MTCL2: variants seen among roughly 807,000 people sequenced by gnomAD.
MTCL2 encodes the protein microtubule cross-linking factor 2.
At chr20:36,840,266 G>A in the MTCL2 span, among the ~76,000 whole-genome samples, 138 of 150,594 alleles carry the variant, frequency 9.2e-4, no homozygotes, top group South Asian at 7.5e-3. Flanking sequence ...CTGGGTTCAC[G>A]CCATTCTCCC....
At chr20:36,854,633 G>A in the MTCL2 span, among the ~76,000 whole-genome samples, 1 of 152,130 alleles carries the variant, frequency 6.6e-6, no homozygotes, top group East Asian at 1.9e-4. Context: ...AAGGAGAGGC[G>A]GGGAGGGGAG....
the MTCL2 span, among the ~76,000 whole-genome samples, chr20:36,814,678 G>C: frequency 6.6e-6 from 1 of 152,170 alleles, no homozygotes; most frequent in Non-Finnish European, 1.5e-5. Flanking sequence ...CTTGAAGTCA[G>C]GAGTTCGAGA....
the MTCL2 span, among the ~76,000 whole-genome samples, chr20:36,805,137 G>T: frequency 6.6e-6 from 1 of 152,178 alleles, no homozygotes; most frequent in African/African-American, 2.4e-5. Flanking sequence ...TGCAGTTACA[G>T]TAATAATTAT....
the MTCL2 span, among the ~76,000 whole-genome samples, chr20:36,837,726 A>G: frequency 2.0e-5 from 3 of 151,622 alleles, no homozygotes; most frequent in Admixed American, 6.6e-5. Context: ...ACAGGCGGGA[A>G]CCACCACACT....
the MTCL2 span, among the ~76,000 whole-genome samples, chr20:36,846,521 T>C: frequency 6.6e-6 from 1 of 152,260 alleles, no homozygotes; most frequent in African/African-American, 2.4e-5. Context: ...TTTTTTGCTC[T>C]GATTACAGTT....
chr20:36,803,195 GA>G, the MTCL2 span: 334 of 1,476,942 alleles, frequency 2.3e-4, 3 homozygotes, highest in East Asian at 7.6e-3. Flanking sequence ...TGCCAGCGGG[GA>G]AAAGGGGAGA....
chr20:36,814,633 T>G, the MTCL2 span, among the ~76,000 whole-genome samples: 1 of 152,140 alleles, frequency 6.6e-6, no homozygotes, highest in African/African-American at 2.4e-5. Context: ...ACACCTGTAA[T>G]CCCAGAACTT....
chr20:36,858,308 GAA>G, the MTCL2 span, among the ~76,000 whole-genome samples: 1 of 91,496 alleles, frequency 1.1e-5, no homozygotes, highest in Non-Finnish European at 2.2e-5. Context: ...ACCAAGGAGG[GAA>G]AACACACACA....
the MTCL2 span, among the ~76,000 whole-genome samples, chr20:36,814,186 G>A: frequency 1.3e-5 from 2 of 152,272 alleles, no homozygotes; most frequent in South Asian, 4.1e-4. Context: ...AGGACCATGA[G>A]AGGGGGAATC....
chr20:36,838,519 G>A, the MTCL2 span, among the ~76,000 whole-genome samples: 1 of 151,938 alleles, frequency 6.6e-6, no homozygotes, highest in African/African-American at 2.4e-5. Context: ...CCCAGGAGGT[G>A]GAGGCTACAG....
At chr20:36,803,040 C>T in the MTCL2 span, 11 of 1,605,738 alleles carry the variant, frequency 6.9e-6, no homozygotes, top group African/African-American at 8.0e-5. Context: ...CTCACGCTCC[C>T]GCTGTAGGGC....
At chr20:36,794,086 C>T in the MTCL2 span, 1 of 1,551,498 alleles carries the variant, frequency 6.4e-7, no homozygotes, top group East Asian at 2.4e-5. This position sits in a 1 kb window ranked among gnomAD's most constrained non-coding sequence, Gnocchi z 5.4. Context: ...CAAAGTCATG[C>T]AGGGCCGCTG....
the MTCL2 span, chr20:36,803,016 A>AGGT: frequency 1.5e-3 from 2,452 of 1,601,470 alleles, 51 homozygotes; most frequent in South Asian, 0.026. Context: ...CTCAGCTAGG[A>AGGT]GGTGCTGCTG....
chr20:36,835,295 G>A, the MTCL2 span, among the ~76,000 whole-genome samples: 1 of 152,106 alleles, frequency 6.6e-6, no homozygotes, highest in African/African-American at 2.4e-5. Flanking sequence ...AGCAGAGAGG[G>A]AGAGCTGGGG....
the MTCL2 span, chr20:36,794,751 A>C: frequency 1.1e-6 from 1 of 936,320 alleles, no homozygotes. The surrounding 1 kb of genome is among the most constrained non-coding windows in gnomAD (Gnocchi z 5.4). Flanking sequence ...GCCCAGTCCC[A>C]CATTCTGTCT....
the MTCL2 span, chr20:36,783,677 A>G: frequency 2.5e-6 from 2 of 815,602 alleles, no homozygotes; most frequent in African/African-American, 3.7e-5. Flanking sequence ...TGGGACCCCA[A>G]TTCTCCAGGG....
At chr20:36,824,846 G>T in the MTCL2 span, among the ~76,000 whole-genome samples, 8 of 151,756 alleles carry the variant, frequency 5.3e-5, no homozygotes, top group African/African-American at 1.9e-4. Context: ...AGAGACAAGG[G>T]TCTCAATATA....
the MTCL2 span, among the ~76,000 whole-genome samples, chr20:36,850,495 C>T: frequency 6.6e-6 from 1 of 151,208 alleles, no homozygotes; most frequent in Non-Finnish European, 1.5e-5. Context: ...CACTATACTC[C>T]AGCCGGGATG....
At chr20:36,807,473 A>G in the MTCL2 span, among the ~76,000 whole-genome samples, 3 of 152,294 alleles carry the variant, frequency 2.0e-5, no homozygotes, top group African/African-American at 7.2e-5. Flanking sequence ...AATGTCAACT[A>G]AGATGAGTGT....
Sources: gnomAD v4.1 joint callset for allele counts (sites outside exome capture counted in the v4.1 genomes callset) on GRCh38, gnomAD v4.1.1 for gene constraint, Gnocchi (gnomAD v3.1) non-coding constraint, MANE v1.5 for transcripts, NCBI Gene and HGNC (gene_info 2026-07-23, HGNC 2026-07-21) for gene names.